The following DNAAF11 variants were observed in gnomAD, a reference collection of about 807,000 sequenced individuals.
The protein encoded by DNAAF11 is dynein axonemal assembly factor 11.
Under a neutral mutation model 60.8 loss-of-function variants are expected in DNAAF11, and 45 were observed. The observed-to-expected ratio is 0.74, with a 90% confidence interval of 0.58 to 0.95. The LOEUF (loss-of-function observed/expected upper bound fraction) is 0.95, where lower values mean the gene tolerates loss of function less well. Ranked by LOEUF, DNAAF11 falls within the 40% of genes least tolerant of loss-of-function variation. DNAAF11 has a pLI of 0.00. For missense variants in DNAAF11, 546 were observed against 546.2 expected (o/e 1.00, Z 0.00); for synonymous variants, 191 against 183.5 (o/e 1.04, Z -0.33).
chr8:132,638,201 G>A (rs1483882879), intron 3 of DNAAF11, 94 bp from the exon 4 acceptor site: 11 of 932,546 alleles, frequency 1.2e-5, no homozygotes, highest in Non-Finnish European at 1.8e-5. Context: ...AGTAACAGTT[G>A]TAGTATTTTC....
intron 10 of DNAAF11, among the ~76,000 whole-genome samples, chr8:132,591,128 C>A (rs1385725519): frequency 6.6e-6 from 1 of 152,224 alleles, no homozygotes; most frequent in Non-Finnish European, 1.5e-5. Context: ...TCATAATGTA[C>A]ATTTTAAGGC....
In DNAAF11 at chr8:132,667,802, C is replaced by T. The variant is rs560374461; in HGVS notation, c.11-6175G>A. Among the ~76,000 whole-genome samples the T allele has an allele frequency of 9.2e-5, 14 of 152,276 alleles. No homozygotes were observed. The South Asian group carries it at 2.9e-3, about 32-fold the overall frequency. ...TGAATGAGTTCTCCAAAATTTGAGG[C>T]TGTATCAGCAAAATGACTTTGCAGG... On this transcript the variant is annotated intron_variant, in intron 1 of 11. Coordinates refer to ENST00000620350, the MANE Select transcript of DNAAF11 (RefSeq NM_012472.6).
the DNAAF11 span, among the ~76,000 whole-genome samples, chr8:132,691,278 C>A: frequency 2.6e-5 from 4 of 151,996 alleles, no homozygotes; most frequent in Non-Finnish European, 5.9e-5. Context: ...TCATCTTTGA[C>A]CATTAGAAAC....
intron 10 of DNAAF11, among the ~76,000 whole-genome samples, chr8:132,601,901 C>A (rs1817662018): frequency 6.6e-6 from 1 of 151,994 alleles, no homozygotes; most frequent in Non-Finnish European, 1.5e-5. Context: ...TGCACATGTG[C>A]CCTAGAACTT....
In DNAAF11 at chr8:132,622,836, T is replaced by A. The variant is rs900537723; in HGVS notation, c.837-148A>T. 4.9e-6 allele frequency: 3 copies of A among 617,044 alleles called. No individual in the cohort carries two copies. The African/African-American group carries it at 5.6e-5, about 11-fold the overall frequency. 38.2% of individuals were successfully genotyped at this position (617,044 alleles called of 1,614,324 possible). Reference sequence around the variant, plus strand: ...GAACACATCAACAATTCCTTGTTCTTAAGTCCATTCCTTTAATTCTATGCT... The same window carrying A: ...GAACACATCAACAATTCCTTGTTCTAAAGTCCATTCCTTTAATTCTATGCT... On this transcript the variant is annotated intron_variant, in intron 6 of 11. Coordinates refer to ENST00000620350, the MANE Select transcript of DNAAF11 (RefSeq NM_012472.6).
chr8:132,674,022 A>AAGGAGCAGG (rs1301174663), intron 1 of DNAAF11, among the ~76,000 whole-genome samples: 4 of 144,304 alleles, frequency 2.8e-5, no homozygotes, highest in Non-Finnish European at 4.6e-5. Flanking sequence ...GAAGGAGGAG[A>AAGGAGCAGG]AGGAGCAGGA....
chr8:132,681,376 G>A, the DNAAF11 span, among the ~76,000 whole-genome samples: 2 of 150,042 alleles, frequency 1.3e-5, no homozygotes, highest in Admixed American at 6.6e-5. Flanking sequence ...TAAAAAGTGG[G>A]TACAATTACT....
chr8:132,609,140 T>C (rs1586568057), intron 10 of DNAAF11, among the ~76,000 whole-genome samples: 1 of 152,076 alleles, frequency 6.6e-6, no homozygotes, highest in Non-Finnish European at 1.5e-5. Context: ...TAGAAACCAA[T>C]CAAAATACGT....
chr8:132,686,191 G>C, the DNAAF11 span, among the ~76,000 whole-genome samples: 22 of 152,168 alleles, frequency 1.4e-4, no homozygotes, highest in African/African-American at 5.3e-4. Flanking sequence ...TGAGACCTGA[G>C]AAGGAGAAGG....
chr8:132,675,596 G>A (rs951770413), upstream of DNAAF11: 4 of 1,270,158 alleles, frequency 3.1e-6, no homozygotes, highest in African/African-American at 6.1e-5. Context: ...CGGAATTCAG[G>A]AGCCATGGCA....
chr8:132,639,587 G>C (rs1251826703), intron 3 of DNAAF11, among the ~76,000 whole-genome samples: 1 of 152,030 alleles, frequency 6.6e-6, no homozygotes, highest in Non-Finnish European at 1.5e-5. Flanking sequence ...AATTCTGAAG[G>C]CTATATAATG....
At chr8:132,687,775 T>C in the DNAAF11 span, 2 of 441,140 alleles carry the variant, frequency 4.5e-6, no homozygotes, top group East Asian at 7.0e-5. Context: ...CACTAAATTA[T>C]GCTGCTTTTG....
intron 11 of DNAAF11, among the ~76,000 whole-genome samples, chr8:132,579,715 C>A (rs1815120590): frequency 6.6e-6 from 1 of 152,162 alleles, no homozygotes; most frequent in Non-Finnish European, 1.5e-5. Flanking sequence ...GACAACTAGG[C>A]CAGGCGTAGT....
chr8:132,590,103 CACAGGAAGATAGA>C (rs1286481065), intron 10 of DNAAF11, among the ~76,000 whole-genome samples: 1 of 152,210 alleles, frequency 6.6e-6, no homozygotes, highest in East Asian at 1.9e-4. Context: ...CTCTGTAAAT[CACAGGAAGATAGA>C]ACCCTGCTGG....
intron 5 of DNAAF11, among the ~76,000 whole-genome samples, chr8:132,631,190 G>T (rs140077433): frequency 6.6e-6 from 1 of 152,290 alleles, no homozygotes; most frequent in African/African-American, 2.4e-5. Context: ...CTACTTTCAG[G>T]AGATTCTATT....
intron 2 of DNAAF11, among the ~76,000 whole-genome samples, chr8:132,659,967 C>A (rs879379150): frequency 6.6e-6 from 1 of 152,190 alleles, no homozygotes; most frequent in Non-Finnish European, 1.5e-5. Flanking sequence ...TTGCCAAATG[C>A]CCCTGTTGTG....
chr8:132,631,981 G>A (rs548190824), intron 5 of DNAAF11, among the ~76,000 whole-genome samples: 19 of 151,146 alleles, frequency 1.3e-4, no homozygotes, highest in Admixed American at 4.0e-4. Flanking sequence ...AAACCTGCAC[G>A]TTGTGCACAT....
intron 7 of DNAAF11, among the ~76,000 whole-genome samples, chr8:132,616,772 C>A (rs901468697): frequency 6.6e-6 from 1 of 152,208 alleles, no homozygotes; most frequent in South Asian, 2.1e-4. Flanking sequence ...CAAAAGTTTT[C>A]TCAGCAAGGC....
At chr8:132,627,257 T>C (rs1820369049) in intron 5 of DNAAF11, among the ~76,000 whole-genome samples, 1 of 152,184 alleles carries the variant, frequency 6.6e-6, no homozygotes, top group Non-Finnish European at 1.5e-5. Flanking sequence ...TGGTTCAATC[T>C]GGCCTTTTGC....
Sources: allele counts gnomAD v4.1 joint callset (sites outside exome capture counted in the v4.1 genomes callset), GRCh38; gene constraint gnomAD v4.1.1; transcripts MANE v1.5; gene names NCBI Gene and HGNC (gene_info 2026-07-23, HGNC 2026-07-21).